RBP4: variants seen among roughly 807,000 people sequenced by gnomAD.
RBP4 encodes retinol binding protein 4, also known as retinol-binding protein 4.
In RBP4, 9 loss-of-function variants were observed where a neutral mutation model predicts 26.2. The observed-to-expected ratio is 0.34, with a 90% CI of 0.21 to 0.60. The LOEUF (loss-of-function observed/expected upper bound fraction) is 0.60, where lower values mean the gene tolerates loss of function less well. Ranked by LOEUF, RBP4 falls within the 20% of genes least tolerant of loss-of-function variation. The pLI is 0.80. For missense variants in RBP4, 244 were observed against 271.3 expected (o/e 0.90, Z 0.71); for synonymous variants, 114 against 111.0 (o/e 1.03, Z -0.17).
rs1589687245 is a variant in RBP4 at position 93,600,980 on chromosome 10, G to A, written c.49C>T (p.Arg17Cys). The stretch of plus-strand genomic sequence containing the variant: ...CTCACTCGGCAGTCGCGCTCCGCGC[G>A]GCCGCTGCCCAGCGCCGCCAACAGC... The part of the protein sequence containing the change: ...LLLLAALGSG[R>C]AERDCRVSSF... Residue 17 changes from arginine to cysteine, a missense_variant, in exon 2 of 6, where the codon CGC becomes TGC. Coordinates refer to ENST00000371464, the MANE Select transcript of RBP4 (RefSeq NM_006744.4). The A allele has an allele frequency of 3.1e-6, 5 of 1,612,324 alleles. No homozygotes were observed. Among genetic ancestry groups the A allele is most frequent in the East Asian group, 2.2e-5 (1 of 44,850 alleles).
Position 93,601,016 on chromosome 10 carries a change from A to G in RBP4, c.13T>C (p.Trp5Arg), listed in dbSNP as rs1213587529. 10 of 1,611,242 alleles carry G rather than the reference A, an allele frequency of 6.2e-6. No individual in the cohort carries two copies. Among genetic ancestry groups the G allele is most frequent in the African/African-American group, 4.0e-5 (3 of 74,898 alleles). ...AGCGCCGCCAACAGCAAGAGCGCCC[A>G]CACCCACTTCATCTTGCCCAGGAAT... is the stretch of plus-strand genomic sequence containing the variant. Reference protein sequence around the residue: MKWVWALLLLAALGS... With the variant: MKWVRALLLLAALGS... Residue 5 changes from tryptophan (W) to arginine (R), a missense_variant, in exon 2 of 6, where the codon TGG (tryptophan) becomes CGG (arginine). Trp to Arg is a moderately radical substitution (Grantham distance 101). Coordinates refer to ENST00000371464, the MANE Select transcript of RBP4 (RefSeq NM_006744.4).
At chr10:93,595,210 G>A (rs2058295699) in intron 4 of RBP4, among the ~76,000 whole-genome samples, 1 of 152,112 alleles carries the variant, frequency 6.6e-6, no homozygotes, top group African/African-American at 2.4e-5. Flanking sequence ...GTGTCACCCT[G>A]TATTGAGATA....
upstream of RBP4, chr10:93,601,613 G>A: frequency 1.3e-6 from 1 of 757,162 alleles, no homozygotes; most frequent in Non-Finnish European, 2.4e-6. Flanking sequence ...GAGCGGACCC[G>A]CGAGGCTCCC....
chr10:93,592,163 T>TA, intron 5 of RBP4, 51 bp from the exon 6 acceptor site: 4 of 1,515,602 alleles, frequency 2.6e-6, no homozygotes, highest in Non-Finnish European at 3.7e-6. Flanking sequence ...ACCCAGTTTT[T>TA]ATGTAGATAA....
At chr10:93,599,538 C>T (rs374737423) in intron 4 of RBP4, among the ~76,000 whole-genome samples, 70 of 152,314 alleles carry the variant, frequency 4.6e-4, no homozygotes, top group African/African-American at 1.7e-3. Context: ...GATTTGGAAG[C>T]CTGGCTTCTG....
chr10:93,594,016 G>A lies in RBP4; in HGVS notation c.375C>T (p.Val125=), dbSNP rs760138406. The stretch of plus-strand genomic sequence containing the variant: ...CGGCATACGTGTCGTAGTCTGTGTC[G>A]ACGATCCAGTGGTCATCATCTGCAA... ...LQKGNDDHWI[V]DTDYDTYAVQ... The change falls in exon 5 of 6, where the codon GTC becomes GTT. Residue 125 remains valine, a synonymous_variant. Coordinates refer to ENST00000371464, the MANE Select transcript of RBP4 (RefSeq NM_006744.4). The A allele has an allele frequency of 2.0e-5, 32 of 1,613,478 alleles. 1 individual carries two copies. In the Admixed American group the frequency reaches 3.5e-4, roughly 18 times the overall value.
rs200867321 is a variant in RBP4, at chr10:93,600,471, C to T, written c.277G>A (p.Gly93Ser). 5.0e-6 allele frequency: 8 copies of T among 1,614,114 alleles called. No homozygotes were observed. In the Admixed American group the frequency reaches 1.3e-4, roughly 27 times the overall value. ...NNWDVCADMV[G>S]TFTDTEDPAK... ...GGGTCCTCGGTGTCTGTGAAGGTGC[C>T]CACCATGTCTGCGCACACGTCCCAG... is the stretch of plus-strand genomic sequence containing the variant. The change falls in exon 4 of 6, where the codon GGC becomes AGC. Residue 93 changes from glycine (G) to serine (S), a missense_variant. Gly to Ser is a moderately conservative substitution (Grantham distance 56, BLOSUM62 0). Coordinates refer to ENST00000371464, the MANE Select transcript of RBP4 (RefSeq NM_006744.4).
At chr10:93,593,738 A>C in intron 5 of RBP4, 85 bp downstream of exon 5, 13 of 1,462,736 alleles carry the variant, frequency 8.9e-6, no homozygotes, top group Non-Finnish European at 9.5e-6. Context: ...GTACGGACAA[A>C]ATGAATTTCA....
In RBP4 at chr10:93,593,850, T is replaced by A. The variant is rs771265283; in HGVS notation, c.541A>T (p.Arg181Trp). 12 of 1,612,242 alleles carry A rather than the reference T, an allele frequency of 7.4e-6. No individual in the cohort carries two copies. Among genetic ancestry groups the A allele is most frequent in the African/African-American group, 1.3e-5 (1 of 74,870 alleles). The change falls in exon 5 of 6, where the codon AGG becomes TGG. Residue 181 changes from arginine (R) to tryptophan (W), a missense_variant. Physicochemically the swap from Arg to Trp is moderately radical, Grantham distance 101. Coordinates refer to ENST00000371464, the MANE Select transcript of RBP4 (RefSeq NM_006744.4). ...TTGTGGACGATCAGCCTGTACTGCC[T>A]GGCCAGGCACAGCTCCTCCTGCCGC... ...RQRQEELCLA[R>W]QYRLIVHNGY...
chr10:93,599,015 G>A (rs1311223548), intron 4 of RBP4, among the ~76,000 whole-genome samples: 4 of 152,238 alleles, frequency 2.6e-5, no homozygotes, highest in East Asian at 1.9e-4. Flanking sequence ...TTGGAAGGCC[G>A]AGATGGGAGG....
At chr10:93,599,584 G>A (rs1253662563) in intron 4 of RBP4, among the ~76,000 whole-genome samples, 2 of 152,148 alleles carry the variant, frequency 1.3e-5, no homozygotes, top group African/African-American at 4.8e-5. Context: ...ATGTCCTTGG[G>A]CAAAGTTCTC....
intron 4 of RBP4, among the ~76,000 whole-genome samples, chr10:93,594,404 A>G (rs1022094779): frequency 3.9e-5 from 6 of 152,068 alleles, no homozygotes; most frequent in Non-Finnish European, 5.9e-5. Context: ...CTCTCCAATA[A>G]TATCTGTGTC....
intron 4 of RBP4, among the ~76,000 whole-genome samples, chr10:93,596,005 C>G (rs1406915210): frequency 6.6e-6 from 1 of 152,162 alleles, no homozygotes; most frequent in Non-Finnish European, 1.5e-5. Context: ...GGGCCTCACC[C>G]TAACCACTGA....
rs756079535 is a variant in RBP4 at position 93,600,873 on chromosome 10, G to T, written c.111+45C>A. ...GGCGGGCCGCGGGGAGGGCGGGGAT[G>T]GGGTGGGGACCTGGGCCGCCTGGGC... On this transcript the variant is annotated intron_variant, in intron 2 of 5. Coordinates refer to ENST00000371464, the MANE Select transcript of RBP4 (RefSeq NM_006744.4). The T allele has an allele frequency of 1.1e-5, 18 of 1,606,344 alleles. No individual in the cohort carries two copies. The Admixed American group carries it at 3.0e-4, about 27-fold the overall frequency.
chr10:93,597,729 T>G (rs1372030056), intron 4 of RBP4, among the ~76,000 whole-genome samples: 1 of 152,202 alleles, frequency 6.6e-6, no homozygotes, highest in Non-Finnish European at 1.5e-5. Context: ...CATGATCGCT[T>G]GGCCCTGAGT....
At chr10:93,601,278 A>G, upstream of RBP4, 1 of 1,209,640 alleles carries the variant, frequency 8.3e-7, no homozygotes, top group Non-Finnish European at 1.0e-6. Flanking sequence ...CGCCGGGGGG[A>G]GGGGGTCGCG....
At chr10:93,600,598 C>A (rs1236091566) in intron 3 of RBP4, 69 bp downstream of exon 3, 6 of 1,612,468 alleles carry the variant, frequency 3.7e-6, no homozygotes, top group Non-Finnish European at 5.1e-6. Flanking sequence ...GCCCACGTGG[C>A]GATCAGCAGG....
rs950095934 is a variant in RBP4, at chr10:93,597,438, G to A, written c.355+2955C>T. On this transcript the variant is annotated intron_variant, in intron 4 of 5. Coordinates refer to ENST00000371464, the MANE Select transcript of RBP4 (RefSeq NM_006744.4). ...GCATTTTCACAAATTACCTTAATTA[G>A]TCCTTCCAATGATTCTATGAAATAG... Among the ~76,000 whole-genome samples, 8 of 152,168 alleles carry A rather than the reference G, an allele frequency of 5.3e-5. 1 individual carries two copies. Among genetic ancestry groups the A allele is most frequent in the Non-Finnish European group, 1.2e-4 (8 of 68,034 alleles).
chr10:93,601,430 A>G (rs1012909706), upstream of RBP4: 2 of 1,245,974 alleles, frequency 1.6e-6, no homozygotes, highest in Non-Finnish European at 1.0e-6. Context: ...GGCACAGTGG[A>G]GCGGCCGCGC....
Sources: allele counts gnomAD v4.1 joint callset (sites outside exome capture counted in the v4.1 genomes callset), GRCh38; gene constraint gnomAD v4.1.1; transcripts MANE v1.5; gene names NCBI Gene and HGNC (gene_info 2026-07-23, HGNC 2026-07-21).